Variants in YIPF7 observed in about 807,000 individuals in gnomAD.
The protein encoded by YIPF7 is Yip1 domain family member 7, also known as protein YIPF7.
Under a neutral mutation model 27.2 loss-of-function variants are expected in YIPF7, and 35 were observed. The observed-to-expected ratio is 1.29, with a 90% CI of 0.98 to 1.70. The LOEUF (loss-of-function observed/expected upper bound fraction) is 1.70. Among genes scored for constraint, YIPF7 ranks in the 40% most tolerant of loss-of-function variants. The pLI is 0.00. For synonymous variants in YIPF7, 137 were observed against 110.4 expected, an observed-to-expected ratio of 1.24 and a Z score of -1.51; for missense variants, 358 against 303.7, an observed-to-expected ratio of 1.18 and a Z score of -1.33.
At chr4:44,639,606 G>A (rs545185608) in intron 2 of YIPF7, among the ~76,000 whole-genome samples, 4 of 152,130 alleles carry the variant, frequency 2.6e-5, no homozygotes, top group Admixed American at 6.5e-5. Context: ...AACTCTAAGA[G>A]GTTTTGGTGA....
chr4:44,652,735 T>C (rs1178641382), upstream of YIPF7, among the ~76,000 whole-genome samples: 1 of 152,224 alleles, frequency 6.6e-6, no homozygotes, highest in Non-Finnish European at 1.5e-5. Context: ...ATCTTAGTAC[T>C]GATTTTGCTA....
In YIPF7 at chr4:44,622,376, C is replaced by G; in HGVS notation, c.*38G>C. The G allele has an allele frequency of 6.3e-7, 1 of 1,585,030 alleles. No individual in the cohort carries two copies. The highest frequency in any genetic ancestry group is 8.6e-7 in the Non-Finnish European group (1 of 1,166,854). On this transcript the variant is annotated 3_prime_UTR_variant, in exon 6 of 6. Transcript: ENST00000415895. ...TAATATATTTCCAAAATAATCTGGA[C>G]AGCAAACAGAGTCTTGAAATGCCAT...
rs184780743 is a variant in YIPF7, at chr4:44,624,167, C to T, written c.608+434G>A. Among the ~76,000 whole-genome samples, 376 of 151,076 alleles carry T rather than the reference C, an allele frequency of 2.5e-3. 4 individuals carry two copies. Among genetic ancestry groups the T allele is most frequent in the Non-Finnish European group, 2.2e-3 (148 of 67,912 alleles). On this transcript the variant is annotated intron_variant, in intron 5 of 5. Coordinates refer to ENST00000415895, the MANE Select transcript of YIPF7 (RefSeq NM_182592.3). ...TGCAACCTCCGCCTCTGGGTTCAAG[C>T]GATTCTCCTGCCTCAGCCTCCCGAG...
At chr4:44,630,420 A>T (rs558208610) in intron 3 of YIPF7, among the ~76,000 whole-genome samples, 17 of 152,348 alleles carry the variant, frequency 1.1e-4, no homozygotes, top group African/African-American at 4.1e-4. Flanking sequence ...GAGCAATTTT[A>T]TGCTAAATGC....
chr4:44,659,909 C>T lies in YIPF7; in HGVS notation c.-2+540G>A, dbSNP rs560778083. On this transcript the variant is annotated intron_variant, in intron 2 of 2. Coordinates refer to the YIPF7 transcript ENST00000508947. ...CAGGTGGATCACAAGGTCAGGAGAT[C>T]GAGACCACCCTGGCTAACAGGGTGA... 2.0e-5 allele frequency among the ~76,000 whole-genome samples: 3 copies of T among 151,720 alleles called. No individual in the cohort carries two copies. In the South Asian group the frequency reaches 6.3e-4, roughly 32 times the overall value.
Position 44,624,649 on chromosome 4 carries a change from A to G in YIPF7, c.560T>C (p.Leu187Pro), listed in dbSNP as rs756066863. 15 of 1,602,506 alleles carry G rather than the reference A, an allele frequency of 9.4e-6. No homozygotes were observed. The African/African-American group carries it at 1.7e-4, about 19-fold the overall frequency. ...GCVASVLGYC[L>P]LPMVILSGCA... ...ACCAGACAGGATGACCATGGGGAGC[A>G]GGCAGTAACCCAGCACGCTGGCCAC... Residue 187 changes from leucine to proline, a missense_variant, in exon 5 of 6, where the codon CTG becomes CCG. By Grantham distance (98) the Leu-to-Pro change is moderately conservative (BLOSUM62 -3). Coordinates refer to ENST00000415895, the MANE Select transcript of YIPF7 (RefSeq NM_182592.3).
At chr4:44,631,745 A>C (rs1361067678) in intron 3 of YIPF7, among the ~76,000 whole-genome samples, 1 of 152,196 alleles carries the variant, frequency 6.6e-6, no homozygotes, top group Non-Finnish European at 1.5e-5. Flanking sequence ...AGGAGGTTAG[A>C]ATGTCTAACG....
At chr4:44,633,047 C>T (rs1712977044) in intron 3 of YIPF7, among the ~76,000 whole-genome samples, 1 of 152,134 alleles carries the variant, frequency 6.6e-6, no homozygotes, top group Non-Finnish European at 1.5e-5. Context: ...CTCATAGGAG[C>T]GTGAACCCTA....
intron 2 of YIPF7, among the ~76,000 whole-genome samples, chr4:44,637,740 A>G (rs530801122): frequency 3.3e-5 from 5 of 151,618 alleles, no homozygotes; most frequent in African/African-American, 1.2e-4. Context: ...TATTCCTCAC[A>G]CCCCTCCCAT....
chr4:44,642,168 C>T (rs1713347631), intron 2 of YIPF7, among the ~76,000 whole-genome samples: 1 of 152,144 alleles, frequency 6.6e-6, no homozygotes, highest in Non-Finnish European at 1.5e-5. Flanking sequence ...GCAAAGCAAC[C>T]TCTGTGAATG....
chr4:44,644,309 A>G (rs1362873694), intron 2 of YIPF7, among the ~76,000 whole-genome samples: 2 of 152,324 alleles, frequency 1.3e-5, no homozygotes, highest in East Asian at 1.9e-4. Flanking sequence ...GGCCACACAT[A>G]AAATATGCTA....
chr4:44,625,003 C>A (rs937118991), intron 4 of YIPF7, among the ~76,000 whole-genome samples: 16 of 152,010 alleles, frequency 1.1e-4, no homozygotes, highest in African/African-American at 3.6e-4. Flanking sequence ...ATGGGATAAG[C>A]GTGCTACAAA....
intron 3 of YIPF7, among the ~76,000 whole-genome samples, chr4:44,632,983 G>A (rs922758750): frequency 1.3e-5 from 2 of 152,172 alleles, no homozygotes; most frequent in Admixed American, 1.3e-4. Flanking sequence ...GGCAGTGGGC[G>A]AACAAGTATT....
At chr4:44,661,107 CAG>C (rs1714032409) in intron 1 of YIPF7, among the ~76,000 whole-genome samples, 2 of 152,164 alleles carry the variant, frequency 1.3e-5, no homozygotes, top group African/African-American at 2.4e-5. Context: ...GATTTGAAAA[CAG>C]AATAGTTTTC....
chr4:44,627,027 C>T (rs908563554), intron 4 of YIPF7, among the ~76,000 whole-genome samples: 1 of 151,894 alleles, frequency 6.6e-6, no homozygotes, highest in Admixed American at 6.6e-5. Context: ...CGTGATCCGC[C>T]CGCCTCGGCC....
Position 44,629,507 on chromosome 4 carries a change from T to C in YIPF7, c.322A>G (p.Thr108Ala). 6.4e-7 allele frequency: 1 copy of C among 1,572,958 alleles called. No individual in the cohort carries two copies. The highest frequency in any genetic ancestry group is 8.6e-7 in the Non-Finnish European group (1 of 1,158,156). Reference sequence around the variant, plus strand: ...ACTGGCTTCATTGGGTTTAACACTGTCAAAGTTTTTTGCCATATGTGATCA... The same window carrying C: ...ACTGGCTTCATTGGGTTTAACACTGCCAAAGTTTTTTGCCATATGTGATCA... ...HFDHIWQKTL[T>A]VLNPMKPVDG... is the part of the protein sequence containing the mutation. The change falls in exon 4 of 6, where the codon ACA becomes GCA. Residue 108 changes from threonine to alanine, a missense_variant. Transcript: ENST00000415895.
At chr4:44,637,746 C>T (rs1713179483) in intron 2 of YIPF7, among the ~76,000 whole-genome samples, 2 of 152,154 alleles carry the variant, frequency 1.3e-5, no homozygotes, top group Admixed American at 1.3e-4. Flanking sequence ...TCACACCCCT[C>T]CCATCCTTTC....
chr4:44,659,983 G>C (rs892378611), intron 2 of YIPF7, among the ~76,000 whole-genome samples: 1 of 151,466 alleles, frequency 6.6e-6, no homozygotes, highest in African/African-American at 2.4e-5. Flanking sequence ...GAGTGGTGGC[G>C]GCTGCCTGTA....
intron 3 of YIPF7, among the ~76,000 whole-genome samples, chr4:44,631,646 C>T (rs541582885): frequency 1.1e-4 from 16 of 151,510 alleles, no homozygotes; most frequent in South Asian, 6.3e-4. Flanking sequence ...TTTCTGCTTC[C>T]TTGTTTCATC....
Sources: allele counts gnomAD v4.1 joint callset (sites outside exome capture counted in the v4.1 genomes callset), GRCh38; gene constraint gnomAD v4.1.1; transcripts MANE v1.5; gene names NCBI Gene and HGNC (gene_info 2026-07-23, HGNC 2026-07-21).